The following PKD1L1 variants were observed in gnomAD, a reference collection of about 807,000 sequenced individuals.
The protein encoded by PKD1L1 is polycystin-1-like protein 1.
PKD1L1 carries 236 observed loss-of-function variants against 323.4 expected under a neutral mutation model. The observed-to-expected ratio is 0.73, with a 90% confidence interval of 0.66 to 0.81. PKD1L1 has a LOEUF of 0.81. PKD1L1 is among the 40% of genes least tolerant of loss of function. PKD1L1 has a pLI of 0.00. For synonymous variants in PKD1L1, 1,344 were observed against 1,335.0 expected (o/e 1.01, Z -0.15); for missense variants, 3,320 against 3,508.0 (o/e 0.95, Z 1.35).
At chr7:47,885,663 C>T in intron 18 of PKD1L1, 23 bp downstream of exon 18, 1 of 1,592,716 alleles carries the variant, frequency 6.3e-7, no homozygotes, top group African/African-American at 1.3e-5. Context: ...AGAGGGATGA[C>T]ATGCAGGAAC....
rs1413615052 is a variant in PKD1L1, at chr7:47,840,756, C to T, written c.5446-189G>A. On this transcript the variant is annotated intron_variant, in intron 34 of 56. Transcript: ENST00000289672. The surrounding 1 kb of genome is among the most constrained non-coding windows in gnomAD (Gnocchi z 4.1). ...CCAGTCCCAGGCTTCCCTGGAGAGC[C>T]AGAGGAGAGCCTCGAAGTGGAGCCT... Among the ~76,000 whole-genome samples the T allele has an allele frequency of 1.3e-5, 2 of 152,222 alleles. No individual in the cohort carries two copies. Among genetic ancestry groups the T allele is most frequent in the Non-Finnish European group, 2.9e-5 (2 of 68,040 alleles).
chr7:47,781,302 G>C (rs913615504), intron 56 of PKD1L1, among the ~76,000 whole-genome samples: 9 of 150,504 alleles, frequency 6.0e-5, no homozygotes, highest in Non-Finnish European at 1.3e-4. Context: ...CTAGTTCTTT[G>C]TTGAACATGC....
intron 4 of PKD1L1, among the ~76,000 whole-genome samples, chr7:47,934,805 C>T (rs2686820): frequency 0.52 from 78,324 of 151,838 alleles, 20,271 homozygotes; most frequent in East Asian, 0.53. Flanking sequence ...ACAAGAGTAC[C>T]CCCACCAGGC....
intron 7 of PKD1L1, among the ~76,000 whole-genome samples, chr7:47,928,938 C>T (rs1488258795): frequency 6.6e-6 from 1 of 152,140 alleles, no homozygotes; most frequent in South Asian, 2.1e-4. Context: ...CAGGGCAAGT[C>T]CCCAGCCTCA....
intron 8 of PKD1L1, 30 bp downstream of exon 8, chr7:47,915,402 T>C (rs759741364): frequency 2.5e-6 from 2 of 796,950 alleles, no homozygotes; most frequent in Non-Finnish European, 2.3e-6. Flanking sequence ...GCCCACTCCT[T>C]GTGGCCTCTT....
chr7:47,881,255 C>T (rs1377258432), intron 20 of PKD1L1, among the ~76,000 whole-genome samples: 2 of 152,060 alleles, frequency 1.3e-5, no homozygotes, highest in Non-Finnish European at 2.9e-5. Context: ...ACTTCCTTAG[C>T]AGAGAGAGGC....
chr7:47,831,446 G>A, intron 41 of PKD1L1, 94 bp from the exon 42 acceptor site: 1 of 1,481,124 alleles, frequency 6.8e-7, no homozygotes, highest in Non-Finnish European at 9.1e-7. Context: ...TGTCAACTAG[G>A]CTGGGTCGTA....
chr7:47,779,985 A>G (rs1215803999), intron 56 of PKD1L1, among the ~76,000 whole-genome samples: 1 of 152,056 alleles, frequency 6.6e-6, no homozygotes, highest in Non-Finnish European at 1.5e-5. Context: ...ACCATTTTCA[A>G]CTTATTGTAA....
intron 46 of PKD1L1, chr7:47,817,915 T>G (rs1052086159): frequency 2.5e-6 from 2 of 804,474 alleles, no homozygotes; most frequent in East Asian, 5.8e-5. Flanking sequence ...TCTAGTGAAT[T>G]AATTTATCTG....
chr7:47,914,239 T>C (rs1787382097), intron 8 of PKD1L1, among the ~76,000 whole-genome samples: 1 of 152,208 alleles, frequency 6.6e-6, no homozygotes, highest in African/African-American at 2.4e-5. Flanking sequence ...GACTATTTAA[T>C]GAAATGTATT....
At chr7:47,953,570 C>G in the PKD1L1 span, among the ~76,000 whole-genome samples, 235 of 152,340 alleles carry the variant, frequency 1.5e-3, no homozygotes, top group African/African-American at 5.2e-3. Context: ...TATTTCAGAC[C>G]TGTCCAGTGT....
At chr7:47,808,095 C>G in intron 52 of PKD1L1, 152 bp downstream of exon 52, 1 of 966,924 alleles carries the variant, frequency 1.0e-6, no homozygotes, top group Non-Finnish European at 1.5e-6. Flanking sequence ...CTTCACTGTC[C>G]TGGCCACTCC....
intron 19 of PKD1L1, among the ~76,000 whole-genome samples, chr7:47,883,859 T>A (rs1387190220): frequency 6.6e-6 from 1 of 152,252 alleles, no homozygotes; most frequent in African/African-American, 2.4e-5. Flanking sequence ...ATTTGACAGA[T>A]AAATCATTCA....
In PKD1L1 at chr7:47,908,220, T is replaced by C. The variant is rs766386728; in HGVS notation, c.1259A>G (p.Tyr420Cys). The C allele has an allele frequency of 6.2e-6, 10 of 1,614,108 alleles. No individual in the cohort carries two copies. The highest frequency in any genetic ancestry group is 6.8e-6 in the Non-Finnish European group (8 of 1,180,028). The change falls in exon 9 of 57, where the codon TAT becomes TGT. Residue 420 changes from tyrosine to cysteine, a missense_variant. By Grantham distance (194) the Tyr-to-Cys change is radical. Transcript: ENST00000289672. ...KGVYMLKAVIYNEFHGTEVEL... is the reference protein window; with the variant it reads ...KGVYMLKAVICNEFHGTEVEL... Reference sequence around the variant, plus strand: ...CACTTCGGTTCCATGAAACTCGTTATAAATAACAGCCTTGAGCATATAGAC... The same window carrying C: ...CACTTCGGTTCCATGAAACTCGTTACAAATAACAGCCTTGAGCATATAGAC...
intron 6 of PKD1L1, 106 bp downstream of exon 6, chr7:47,930,998 T>A: frequency 8.4e-7 from 1 of 1,183,932 alleles, no homozygotes. Context: ...CAACTATAAT[T>A]AAAGCAAACA....
In PKD1L1 at chr7:47,840,584, G is replaced by A. The variant is rs771901532; in HGVS notation, c.5446-17C>T. ...AATGTACACCTCAAAACAAAGAACAGGGGTGGGAACTCAGGCTATTTCACA... is the reference window on the plus strand; with the variant it reads ...AATGTACACCTCAAAACAAAGAACAAGGGTGGGAACTCAGGCTATTTCACA... On this transcript the variant is annotated splice_polypyrimidine_tract_variant and intron_variant, in intron 34 of 56. Coordinates refer to ENST00000289672, the MANE Select transcript of PKD1L1 (RefSeq NM_138295.5). This position sits in a 1 kb window ranked among gnomAD's most constrained non-coding sequence, Gnocchi z 4.1. 6.5e-5 allele frequency: 104 copies of A among 1,590,678 alleles called. No individual in the cohort carries two copies. The highest frequency in any genetic ancestry group is 8.5e-5 in the Non-Finnish European group (98 of 1,159,246).
chr7:47,810,752 A>C (rs1384553394), intron 50 of PKD1L1, among the ~76,000 whole-genome samples: 2 of 152,248 alleles, frequency 1.3e-5, no homozygotes, highest in Admixed American at 6.5e-5. Flanking sequence ...GGAATAACTC[A>C]GAGTGACTTC....
rs376109908 is a variant in PKD1L1, at chr7:47,818,192, T to C, written c.6966-2735A>G. ...CAGATGGAGACAGAGATGGGAGGCA[T>C]AAGGTGAGCAGATACATCTCTGCAA... On this transcript the variant is annotated intron_variant, in intron 46 of 56. Coordinates refer to ENST00000289672, the MANE Select transcript of PKD1L1 (RefSeq NM_138295.5). 5.1e-6 allele frequency: 7 copies of C among 1,364,952 alleles called. No homozygotes were observed. In the African/African-American group the frequency reaches 7.4e-5, roughly 14 times the overall value. The allele number at this position is 1,364,952 out of a possible 1,614,324, so 84.6% of individuals were successfully genotyped here.
intron 40 of PKD1L1, among the ~76,000 whole-genome samples, chr7:47,833,572 G>C (rs1446054342): frequency 6.6e-6 from 1 of 152,148 alleles, no homozygotes; most frequent in Non-Finnish European, 1.5e-5. Flanking sequence ...CAAGAGCAAC[G>C]GGTTGAACAA....
Sources: allele counts gnomAD v4.1 joint callset (sites outside exome capture counted in the v4.1 genomes callset), GRCh38; gene constraint gnomAD v4.1.1; non-coding constraint Gnocchi (gnomAD v3.1); transcripts MANE v1.5; gene names NCBI Gene and HGNC (gene_info 2026-07-23, HGNC 2026-07-21).